The following PDZD2 variants were observed in gnomAD, a reference collection of about 807,000 sequenced individuals.
The protein encoded by PDZD2 is PDZ domain-containing protein 2.
PDZD2 carries 90 observed loss-of-function variants against 220.7 expected under a neutral mutation model. The ratio of observed to expected loss-of-function variants is 0.41; its 90% CI spans 0.34 to 0.49. The LOEUF is 0.49. PDZD2 is among the 20% of genes least tolerant of loss of function. PDZD2 has a pLI of 0.28. For missense variants in PDZD2, 3,174 were observed against 3,608.5 expected (o/e 0.88, Z 3.08); for synonymous variants, 1,375 against 1,450.5 (o/e 0.95, Z 1.18).
intron 5 of PDZD2, among the ~76,000 whole-genome samples, chr5:32,004,091 TAA>T (rs74863368): frequency 2.0e-4 from 28 of 136,758 alleles, no homozygotes; most frequent in African/African-American, 6.1e-4. Context: ...AACGTAAGAT[TAA>T]AAAAAAAAAA....
At chr5:32,055,026 CAA>C (rs1561463048) in intron 10 of PDZD2, among the ~76,000 whole-genome samples, 2 of 152,002 alleles carry the variant, frequency 1.3e-5, no homozygotes, top group Admixed American at 1.3e-4. Flanking sequence ...ATAAATAGGC[CAA>C]AGTTTCCTTT....
intron 2 of PDZD2, among the ~76,000 whole-genome samples, chr5:31,893,738 G>A (rs560245173): frequency 5.6e-4 from 85 of 152,270 alleles, no homozygotes; most frequent in African/African-American, 2.0e-3. Flanking sequence ...GGACTGTTTA[G>A]TTTCTCAGCA....
rs70957998 is a variant in PDZD2, at chr5:32,025,591, C to CTTTTTTTTTTTTTTTTT, written c.1408-11628_1408-11612dup. Among the ~76,000 whole-genome samples, 22 of 67,520 alleles carry CTTTTTTTTTTTTTTTTT rather than the reference C, an allele frequency of 3.3e-4. 2 individuals are homozygous for CTTTTTTTTTTTTTTTTT. The highest frequency in any genetic ancestry group is 7.9e-4 in the African/African-American group (12 of 15,244). The allele number at this position is 67,520 out of a possible 152,430, so 44.3% of individuals were successfully genotyped here. Reference sequence around the variant, plus strand: ...AGTGAGCCCAAATGTAACCATGATGCTTTTTTTTTTTTTTTTTTTTTTTTT... The same window carrying CTTTTTTTTTTTTTTTTT: ...AGTGAGCCCAAATGTAACCATGATGCTTTTTTTTTTTTTTTTTTTTTTTTTTTTTTTTTTTTTTTTTT... On this transcript the variant is annotated intron_variant, in intron 6 of 24. Coordinates refer to ENST00000438447, the MANE Select transcript of PDZD2 (RefSeq NM_178140.4).
chr5:32,002,859 C>CCA (rs1752325568), intron 5 of PDZD2, among the ~76,000 whole-genome samples: 1 of 126,738 alleles, frequency 7.9e-6, no homozygotes, highest in African/African-American at 3.0e-5. Flanking sequence ...CCAACACACA[C>CCA]ACACCCCACA....
intron 1 of PDZD2, among the ~76,000 whole-genome samples, chr5:31,797,037 C>T (rs1205867193): frequency 6.6e-6 from 1 of 150,382 alleles, no homozygotes; most frequent in African/African-American, 2.4e-5. Flanking sequence ...ACGCCATTCT[C>T]CTGCCTCAGC....
chr5:31,788,141 C>T (rs1236674232), intron 1 of PDZD2, among the ~76,000 whole-genome samples: 1 of 152,084 alleles, frequency 6.6e-6, no homozygotes, highest in African/African-American at 2.4e-5. Context: ...GAGGCCAAGG[C>T]GGGTGGATCA....
chr5:31,789,377 G>A lies in PDZD2; in HGVS notation c.-360-9512G>A, dbSNP rs750046371. Among the ~76,000 whole-genome samples the A allele has an allele frequency of 3.3e-5, 5 of 152,192 alleles. No individual in the cohort carries two copies. The East Asian group carries it at 9.6e-4, about 29-fold the overall frequency. ...GGGTTTCTGTTAGTAAGGAAAAAGC[G>A]AGCAGGATACTCTGTAGGGAACTAG... On this transcript the variant is annotated intron_variant, in intron 1 of 24. Transcript: ENST00000438447.
chr5:31,725,346 A>G (rs1749061137), intron 1 of PDZD2, among the ~76,000 whole-genome samples: 1 of 151,932 alleles, frequency 6.6e-6, no homozygotes, highest in Admixed American at 6.6e-5. Context: ...CTCAAAAAAA[A>G]AAAAAAAAAA....
At chr5:31,848,844 T>G (rs1208790973) in intron 2 of PDZD2, among the ~76,000 whole-genome samples, 1 of 151,270 alleles carries the variant, frequency 6.6e-6, no homozygotes, top group African/African-American at 2.4e-5. Flanking sequence ...GATCAGGAGA[T>G]TGAGAACATC....
intron 1 of PDZD2, among the ~76,000 whole-genome samples, chr5:31,652,703 T>C (rs980004629): frequency 6.6e-6 from 1 of 152,140 alleles, no homozygotes; most frequent in African/African-American, 2.4e-5. Flanking sequence ...GGAAAAATGG[T>C]GAAAACATTG....
At chr5:31,641,390 G>A (rs1419913478) in intron 1 of PDZD2, among the ~76,000 whole-genome samples, 1 of 152,172 alleles carries the variant, frequency 6.6e-6, no homozygotes, top group African/African-American at 2.4e-5. Flanking sequence ...TTGCCAGAGA[G>A]GATCTGAAAG....
chr5:31,954,603 A>C (rs1157394574), intron 2 of PDZD2, among the ~76,000 whole-genome samples: 1 of 152,174 alleles, frequency 6.6e-6, no homozygotes, highest in Non-Finnish European at 1.5e-5. Flanking sequence ...CAAGGTGTAC[A>C]CAGTCTTGTT....
chr5:31,799,773 G>A (rs754576123), intron 2 of PDZD2, 49 bp downstream of exon 2: 44 of 1,242,282 alleles, frequency 3.5e-5, no homozygotes, highest in Non-Finnish European at 4.7e-5. Context: ...ACGGGAACCT[G>A]GTGGTTCCCA....
intron 2 of PDZD2, among the ~76,000 whole-genome samples, chr5:31,805,087 C>T (rs913114031): frequency 6.6e-6 from 1 of 152,116 alleles, no homozygotes; most frequent in Non-Finnish European, 1.5e-5. Flanking sequence ...CCCAGCTACT[C>T]GGGAGGCTTA....
At chr5:31,850,136 A>G (rs1450693407) in intron 2 of PDZD2, among the ~76,000 whole-genome samples, 4 of 135,758 alleles carry the variant, frequency 2.9e-5, no homozygotes, top group Non-Finnish European at 6.3e-5. Context: ...ATGTGTGTGT[A>G]TATATATAAG....
Position 32,052,745 on chromosome 5 carries a change from G to A in PDZD2, c.1785+15G>A. On this transcript the variant is annotated intron_variant, in intron 9 of 24. Coordinates refer to ENST00000438447, the MANE Select transcript of PDZD2 (RefSeq NM_178140.4). Reference sequence around the variant, plus strand: ...AAAAAGGCAAGGTGAGCTCTTTTCTGCAGACTGTTCTGCCTTCTGGGTGAA... The same window carrying A: ...AAAAAGGCAAGGTGAGCTCTTTTCTACAGACTGTTCTGCCTTCTGGGTGAA... 1 of 1,612,202 alleles carries A rather than the reference G, an allele frequency of 6.2e-7. No homozygotes were observed.
At chr5:31,871,850 G>C (rs1336378405) in intron 2 of PDZD2, among the ~76,000 whole-genome samples, 1 of 149,048 alleles carries the variant, frequency 6.7e-6, no homozygotes, top group East Asian at 2.1e-4. Flanking sequence ...TTTTGAATCA[G>C]AGTCTTGCTC....
chr5:31,986,124 A>G (rs991934772), intron 3 of PDZD2, among the ~76,000 whole-genome samples: 2 of 151,334 alleles, frequency 1.3e-5, no homozygotes, highest in African/African-American at 4.9e-5. Flanking sequence ...CGCTATTTGA[A>G]GACTACACAT....
At chr5:31,856,491 C>T (rs1758456544) in intron 2 of PDZD2, among the ~76,000 whole-genome samples, 1 of 152,190 alleles carries the variant, frequency 6.6e-6, no homozygotes, top group Admixed American at 6.5e-5. Flanking sequence ...GGCCCTCACC[C>T]TCTCTGAGCC....
Sources: allele counts gnomAD v4.1 joint callset (sites outside exome capture counted in the v4.1 genomes callset), GRCh38; gene constraint gnomAD v4.1.1; transcripts MANE v1.5; gene names NCBI Gene and HGNC (gene_info 2026-07-23, HGNC 2026-07-21).